RNF38: variants seen among roughly 807,000 people sequenced by gnomAD.
The protein encoded by RNF38 is E3 ubiquitin-protein ligase RNF38.
In RNF38, 15 loss-of-function variants were observed where a neutral mutation model predicts 67.2. The observed-to-expected ratio is 0.22, with a 90% CI of 0.15 to 0.34. The LOEUF is 0.34. RNF38 is among the 10% of genes least tolerant of loss of function. The pLI is 1.00. For synonymous variants in RNF38, 220 were observed against 218.8 expected (o/e 1.01, Z -0.05); for missense variants, 524 against 639.9 (o/e 0.82, Z 1.95).
chr9:36,451,714 G>A (rs1839453062), intron 1 of RNF38, among the ~76,000 whole-genome samples: 1 of 151,214 alleles, frequency 6.6e-6, no homozygotes, highest in Non-Finnish European at 1.5e-5. Flanking sequence ...TAGTCAGGCT[G>A]GTCTTCAACT....
At chr9:36,468,683 G>A (rs1333909394) in intron 1 of RNF38, among the ~76,000 whole-genome samples, 1 of 151,908 alleles carries the variant, frequency 6.6e-6, no homozygotes. Context: ...GTGGTGGCGG[G>A]TGCCTGTAAT....
chr9:36,392,373 G>A (rs759503977), intron 1 of RNF38, among the ~76,000 whole-genome samples: 5 of 152,068 alleles, frequency 3.3e-5, no homozygotes, highest in African/African-American at 1.2e-4. Flanking sequence ...TTACCATTAC[G>A]CAGAAGTATG....
intron 1 of RNF38, among the ~76,000 whole-genome samples, chr9:36,476,220 G>A (rs1276928182): frequency 6.6e-6 from 1 of 152,038 alleles, no homozygotes; most frequent in Non-Finnish European, 1.5e-5. Flanking sequence ...GGTCTCCCGG[G>A]TTCAAATGAG....
chr9:36,437,703 C>A (rs10511928), intron 1 of RNF38, among the ~76,000 whole-genome samples: 7,645 of 152,236 alleles, frequency 0.05, 594 homozygotes, highest in African/African-American at 0.17. Flanking sequence ...ACAAAACCTA[C>A]ATGTCAGCTA....
chr9:36,404,165 T>C (rs1415772396), upstream of RNF38, among the ~76,000 whole-genome samples: 2 of 152,220 alleles, frequency 1.3e-5, no homozygotes, highest in Non-Finnish European at 2.9e-5. Flanking sequence ...CTCTTCCCCA[T>C]ACGGACATCT....
chr9:36,431,165 A>C (rs571417073), intron 1 of RNF38, among the ~76,000 whole-genome samples: 10 of 152,330 alleles, frequency 6.6e-5, no homozygotes, highest in Admixed American at 1.3e-4. Flanking sequence ...ATGGCTCATA[A>C]AACTCAAGGA....
chr9:36,375,357 ATT>A (rs1835710733), intron 3 of RNF38, among the ~76,000 whole-genome samples: 1 of 151,976 alleles, frequency 6.6e-6, no homozygotes, highest in African/African-American at 2.4e-5. Flanking sequence ...TCCTCAGCTA[ATT>A]TTTTGTTTTT....
intron 1 of RNF38, among the ~76,000 whole-genome samples, chr9:36,432,759 C>T (rs1454202187): frequency 6.6e-6 from 1 of 152,054 alleles, no homozygotes; most frequent in Non-Finnish European, 1.5e-5. Flanking sequence ...AGCCTGGTGA[C>T]ACAGTGAGAC....
At chr9:36,473,549 C>CT (rs1840047228) in intron 1 of RNF38, among the ~76,000 whole-genome samples, 1 of 151,812 alleles carries the variant, frequency 6.6e-6, no homozygotes, top group Non-Finnish European at 1.5e-5. Flanking sequence ...GATTGCACCA[C>CT]TGCACACCAG....
chr9:36,460,919 G>GA (rs200324319), intron 1 of RNF38, among the ~76,000 whole-genome samples: 1 of 135,324 alleles, frequency 7.4e-6, no homozygotes, highest in Non-Finnish European at 1.6e-5. Context: ...AAGAAAGAAA[G>GA]AAAAAAAAGG....
intron 1 of RNF38, among the ~76,000 whole-genome samples, chr9:36,439,093 G>A (rs1839135866): frequency 6.6e-6 from 1 of 151,664 alleles, no homozygotes; most frequent in East Asian, 1.9e-4. Flanking sequence ...GGGGTGGGAG[G>A]GGACTATTGA....
intron 2 of RNF38, among the ~76,000 whole-genome samples, chr9:36,377,135 C>T (rs561881685): frequency 6.6e-6 from 1 of 152,240 alleles, no homozygotes; most frequent in South Asian, 2.1e-4. Flanking sequence ...CCAGGGTTCT[C>T]CACCTGACTC....
chr9:36,419,903 A>C (rs1240145961), intron 2 of RNF38, among the ~76,000 whole-genome samples: 1 of 152,224 alleles, frequency 6.6e-6, no homozygotes, highest in Non-Finnish European at 1.5e-5. Flanking sequence ...TGGAATAACA[A>C]ATAGTCATGA....
At chr9:36,442,733 C>A (rs907339501) in intron 1 of RNF38, among the ~76,000 whole-genome samples, 4 of 152,210 alleles carry the variant, frequency 2.6e-5, no homozygotes, top group Non-Finnish European at 5.9e-5. Context: ...GAGCCGAGAT[C>A]GTGCTATTGC....
intron 1 of RNF38, among the ~76,000 whole-genome samples, chr9:36,457,399 A>T (rs1839618681): frequency 6.6e-6 from 1 of 152,220 alleles, no homozygotes. Context: ...ACTCTTTTCC[A>T]CTGAGCTATA....
At chr9:36,390,691 G>C (rs770416418) in intron 1 of RNF38, 75 bp from the exon 2 acceptor site, 195 of 1,429,212 alleles carry the variant, frequency 1.4e-4, no homozygotes, top group Non-Finnish European at 1.8e-4. Flanking sequence ...ATGAAGGATA[G>C]TCTGGATTTT....
At chr9:36,419,663 T>C (rs1482014072) in intron 2 of RNF38, among the ~76,000 whole-genome samples, 1 of 152,168 alleles carries the variant, frequency 6.6e-6, no homozygotes, top group Admixed American at 6.5e-5. Flanking sequence ...AATTTCAGTA[T>C]CTAAGTGAAA....
At chr9:36,438,140 T>C (rs962265304) in intron 1 of RNF38, among the ~76,000 whole-genome samples, 12 of 152,232 alleles carry the variant, frequency 7.9e-5, no homozygotes, top group Middle Eastern at 3.4e-3. Context: ...AGGGTCTATG[T>C]TGCCCAGGCT....
intron 1 of RNF38, among the ~76,000 whole-genome samples, chr9:36,396,644 G>A (rs529410164): frequency 4.2e-4 from 64 of 152,214 alleles, no homozygotes; most frequent in Middle Eastern, 3.4e-3. Flanking sequence ...GACTGTGCAC[G>A]CTTAGAGTTA....
Sources: gnomAD v4.1 joint callset for allele counts (sites outside exome capture counted in the v4.1 genomes callset) on GRCh38, gnomAD v4.1.1 for gene constraint, MANE v1.5 for transcripts, NCBI Gene and HGNC (gene_info 2026-07-23, HGNC 2026-07-21) for gene names.